Variants in CTNND2 observed in about 807,000 individuals in gnomAD.
The protein encoded by CTNND2 is catenin delta-2.
CTNND2 carries 22 observed loss-of-function variants against 144.4 expected under a neutral mutation model. The ratio of observed to expected loss-of-function variants is 0.15; its 90% confidence interval spans 0.11 to 0.22. The LOEUF (loss-of-function observed/expected upper bound fraction) is 0.22, where lower values mean the gene tolerates loss of function less well. CTNND2 is among the 10% of genes least tolerant of loss of function. The pLI, the probability that CTNND2 is intolerant of heterozygous loss-of-function variation, is 1.00. For synonymous variants in CTNND2, 751 were observed against 695.6 expected (o/e 1.08, Z -1.25); for missense variants, 1,353 against 1,618.8 (o/e 0.84, Z 2.82).
intron 11 of CTNND2, among the ~76,000 whole-genome samples, chr5:11,182,101 A>G (rs1451416526): frequency 3.8e-4 from 22 of 57,604 alleles, no homozygotes; most frequent in South Asian, 6.6e-4. Flanking sequence ...GTGTGTGTGG[A>G]TGGAGTGTGT....
intron 2 of CTNND2, among the ~76,000 whole-genome samples, chr5:11,613,209 T>C (rs1426611393): frequency 1.3e-5 from 2 of 152,248 alleles, no homozygotes; most frequent in African/African-American, 4.8e-5. Context: ...ATGGTATTCA[T>C]ATGGCAATTA....
intron 9 of CTNND2, among the ~76,000 whole-genome samples, chr5:11,339,413 G>A (rs1357133966): frequency 6.6e-6 from 1 of 152,080 alleles, no homozygotes; most frequent in African/African-American, 2.4e-5. Flanking sequence ...GGAGGTGAGG[G>A]CTGGTACATG....
chr5:11,295,468 A>C (rs113781390), intron 9 of CTNND2, among the ~76,000 whole-genome samples: 11,700 of 152,230 alleles, frequency 0.077, 566 homozygotes, highest in Admixed American at 0.12. Flanking sequence ...TCTTCACAGA[A>C]TTGGAAAAAA....
Position 11,007,862 on chromosome 5 carries a change from C to T in CTNND2, c.3084+10112G>A, listed in dbSNP as rs546707944. ...CATCTCCGTAGCCTTTCTTCACTTT[C>T]GCACCGTGTAATGAAACTCGGCTTT... On this transcript the variant is annotated intron_variant, in intron 18 of 21. Coordinates refer to ENST00000304623, the MANE Select transcript of CTNND2 (RefSeq NM_001332.4). Among the ~76,000 whole-genome samples the T allele has an allele frequency of 5.3e-5, 8 of 152,364 alleles. 1 individual carries two copies. The highest frequency in any genetic ancestry group is 3.9e-4 in the East Asian group (2 of 5,184).
At chr5:11,318,862 G>A (rs1293302307) in intron 9 of CTNND2, among the ~76,000 whole-genome samples, 2 of 151,560 alleles carry the variant, frequency 1.3e-5, no homozygotes, top group East Asian at 1.9e-4. Flanking sequence ...ACCACTCTAG[G>A]TGCTGCCCCA....
intron 1 of CTNND2, among the ~76,000 whole-genome samples, chr5:11,817,981 G>GTT (rs35360011): frequency 0.09 from 2,863 of 31,730 alleles, 336 homozygotes; most frequent in African/African-American, 0.19. Flanking sequence ...ATTATGAGGT[G>GTT]TTTTTTTTTT....
intron 18 of CTNND2, among the ~76,000 whole-genome samples, chr5:11,007,033 T>C (rs1186800216): frequency 6.6e-6 from 1 of 152,106 alleles, no homozygotes; most frequent in Non-Finnish European, 1.5e-5. Context: ...AAGAAAAAAT[T>C]GCTAAAACGC....
At chr5:11,809,248 T>G (rs1581919735) in intron 1 of CTNND2, among the ~76,000 whole-genome samples, 1 of 152,196 alleles carries the variant, frequency 6.6e-6, no homozygotes. Flanking sequence ...TTCCATTGAT[T>G]GTATCACTTT....
chr5:11,171,001 C>A, intron 11 of CTNND2, among the ~76,000 whole-genome samples: 1 of 152,188 alleles, frequency 6.6e-6, no homozygotes, highest in East Asian at 1.9e-4. Context: ...GAAAAACCTG[C>A]TCCCACGATT....
chr5:11,448,175 T>C, intron 3 of CTNND2, among the ~76,000 whole-genome samples: 1 of 152,210 alleles, frequency 6.6e-6, no homozygotes, highest in East Asian at 1.9e-4. Context: ...TTACTGCTGA[T>C]ACTGGTTATA....
chr5:11,674,945 C>G (rs1784095804), intron 2 of CTNND2, among the ~76,000 whole-genome samples: 1 of 152,064 alleles, frequency 6.6e-6, no homozygotes, highest in Non-Finnish European at 1.5e-5. Flanking sequence ...CCGGGCTGGT[C>G]TCAAATTCCT....
chr5:11,383,446 G>T (rs1758726312), intron 7 of CTNND2, among the ~76,000 whole-genome samples: 1 of 152,144 alleles, frequency 6.6e-6, no homozygotes, highest in African/African-American at 2.4e-5. Context: ...CTCATACTGG[G>T]TTGGCACTAA....
intron 1 of CTNND2, among the ~76,000 whole-genome samples, chr5:11,842,931 AG>A (rs1269335899): frequency 6.6e-6 from 1 of 152,204 alleles, no homozygotes; most frequent in Admixed American, 6.5e-5. Flanking sequence ...AGAGACAATC[AG>A]GAACAGGTAC....
At chr5:11,221,155 G>A (rs1739753483) in intron 10 of CTNND2, among the ~76,000 whole-genome samples, 1 of 152,166 alleles carries the variant, frequency 6.6e-6, no homozygotes, top group Non-Finnish European at 1.5e-5. Context: ...AGCTTTTCTT[G>A]AAACATTTAA....
intron 7 of CTNND2, among the ~76,000 whole-genome samples, chr5:11,377,870 G>A (rs1330048863): frequency 1.3e-5 from 2 of 152,148 alleles, no homozygotes; most frequent in Non-Finnish European, 2.9e-5. Context: ...TAGAATAGAG[G>A]TGCTATATCA....
At chr5:11,637,639 T>C (rs1181203528) in intron 2 of CTNND2, among the ~76,000 whole-genome samples, 1 of 152,170 alleles carries the variant, frequency 6.6e-6, no homozygotes, top group Admixed American at 6.5e-5. Context: ...AAAATCATAA[T>C]AATGACATTT....
Position 11,022,952 on chromosome 5 carries a change from T to C in CTNND2, c.2816A>G (p.His939Arg). 3.1e-6 allele frequency: 5 copies of C among 1,614,178 alleles called. No homozygotes were observed. The highest frequency in any genetic ancestry group is 4.2e-6 in the Non-Finnish European group (5 of 1,180,024). ...IGKYAMRDLV[H>R]RLPGGNNSNN... Reference sequence around the variant, plus strand: ...GCTGTTGTTCCCTCCTGGAAGCCTGTGGACTAGGTCTCGCATGGCGTATTT... The same window carrying C: ...GCTGTTGTTCCCTCCTGGAAGCCTGCGGACTAGGTCTCGCATGGCGTATTT... The change falls in exon 17 of 22, where the codon CAC becomes CGC. Residue 939 changes from histidine to arginine, a missense_variant. This residue lies in a region of CTNND2 where 459 missense variants were observed against 674.3 expected (regional missense o/e 0.68). Transcript: ENST00000304623.
chr5:11,259,249 T>C (rs1182580039), intron 9 of CTNND2, among the ~76,000 whole-genome samples: 3 of 152,168 alleles, frequency 2.0e-5, no homozygotes, highest in Non-Finnish European at 4.4e-5. Flanking sequence ...TTCTTTAAAA[T>C]CAATCTCTCT....
At position 10,988,593 on chromosome 5, in the gene CTNND2, T is replaced by C. The variant is rs1202937080; in HGVS notation, c.3212-351A>G. Among the ~76,000 whole-genome samples the C allele has an allele frequency of 6.6e-6, 1 of 152,212 alleles. No individual in the cohort carries two copies. The highest frequency in any genetic ancestry group is 1.9e-4 in the East Asian group (1 of 5,200). ...AATGAGACTGCTTTTGGTTTCTTCCTTTCTCTTCTCTTTTCCTTCCCTTTC... is the reference window on the plus strand; with the variant it reads ...AATGAGACTGCTTTTGGTTTCTTCCCTTCTCTTCTCTTTTCCTTCCCTTTC... On this transcript the variant is annotated intron_variant, in intron 19 of 21. Transcript: ENST00000304623. This position sits in a 1 kb window ranked among gnomAD's most constrained non-coding sequence, Gnocchi z 5.9.
Sources: allele counts gnomAD v4.1 joint callset (sites outside exome capture counted in the v4.1 genomes callset), GRCh38; gene constraint gnomAD v4.1.1; regional missense constraint gnomAD v4.1.1; non-coding constraint Gnocchi (gnomAD v3.1); transcripts MANE v1.5; gene names NCBI Gene and HGNC (gene_info 2026-07-23, HGNC 2026-07-21).